The following CPEB4 variants were observed in gnomAD, a reference collection of about 807,000 sequenced individuals.
CPEB4 encodes cytoplasmic polyadenylation element-binding protein 4.
Under a neutral mutation model 72.5 loss-of-function variants are expected in CPEB4, and 12 were observed. That is an observed-to-expected ratio of 0.17 (90% CI 0.11 to 0.27). The LOEUF (loss-of-function observed/expected upper bound fraction) is 0.27. Ranked by LOEUF, CPEB4 falls within the 10% of genes least tolerant of loss-of-function variation. CPEB4 has a pLI of 1.00. For missense variants in CPEB4, 614 were observed against 908.5 expected (o/e 0.68, Z 4.17); for synonymous variants, 302 against 326.3 (o/e 0.93, Z 0.80).
chr5:173,922,718 A>G (rs1161384005), intron 2 of CPEB4, among the ~76,000 whole-genome samples: 30 of 152,176 alleles, frequency 2.0e-4, no homozygotes, highest in Admixed American at 1.9e-3. Context: ...TTGCCATGGG[A>G]CTTAAGCATG....
At chr5:173,933,420 G>A (rs1187040005) in intron 3 of CPEB4, among the ~76,000 whole-genome samples, 3 of 152,140 alleles carry the variant, frequency 2.0e-5, no homozygotes, top group Non-Finnish European at 4.4e-5. Context: ...AAGGATTGTT[G>A]AGCCAGGAGA....
chr5:173,945,033 A>G lies in CPEB4; in HGVS notation c.1349A>G (p.His450Arg). The change falls in exon 5 of 10, where the codon CAT becomes CGT. Residue 450 changes from histidine (H) to arginine (R), a missense_variant. Transcript: ENST00000265085. ...GATGGCCGTGGGGATCAGCCTCTTC[A>G]TAGTGGCCTGGGTTCACCTCACTGC... Reference protein sequence around the residue: ...LDDGRGDQPLHSGLGSPHCFS... With the variant: ...LDDGRGDQPLRSGLGSPHCFS... 6.2e-7 allele frequency: 1 copy of G among 1,613,990 alleles called. No individual in the cohort carries two copies. Among genetic ancestry groups the G allele is most frequent in the South Asian group, 1.1e-5 (1 of 91,082 alleles).
intron 1 of CPEB4, among the ~76,000 whole-genome samples, chr5:173,905,839 A>C (rs1756416621): frequency 6.6e-6 from 1 of 152,226 alleles, no homozygotes; most frequent in Non-Finnish European, 1.5e-5. Flanking sequence ...AAAAGCTAGA[A>C]TACAAATGTA....
Position 173,956,292 on chromosome 5 carries a change from G to C in CPEB4, c.*155G>C. On this transcript the variant is annotated 3_prime_UTR_variant, in exon 10 of 10. Coordinates refer to ENST00000265085, the MANE Select transcript of CPEB4 (RefSeq NM_030627.4). ...GAAAAGAATGACCTATAATATAGGTGTTTTGTAGATTCTTGTGTCACTGCA... is the reference window on the plus strand; with the variant it reads ...GAAAAGAATGACCTATAATATAGGTCTTTTGTAGATTCTTGTGTCACTGCA... 1.7e-6 allele frequency: 1 copy of C among 582,600 alleles called. No individual in the cohort carries two copies. The highest frequency in any genetic ancestry group is 3.0e-6 in the Non-Finnish European group (1 of 330,508). 36.1% of individuals were successfully genotyped at this position (582,600 alleles called of 1,614,324 possible). A position where few individuals can be genotyped will look rare whatever the true frequency, so the allele number is the denominator to read the frequency against.
At chr5:173,898,190 T>A (rs1442176086) in intron 1 of CPEB4, among the ~76,000 whole-genome samples, 1 of 152,182 alleles carries the variant, frequency 6.6e-6, no homozygotes, top group Non-Finnish European at 1.5e-5. Context: ...AATCTATATT[T>A]ATTTTAAAAT....
At chr5:173,944,452 G>C (rs1326343292) in intron 4 of CPEB4, among the ~76,000 whole-genome samples, 1 of 145,162 alleles carries the variant, frequency 6.9e-6, no homozygotes, top group African/African-American at 2.6e-5. Flanking sequence ...TCCAGCCTGG[G>C]TAAAAGAGCG....
chr5:173,911,089 A>T (rs1409899298), intron 2 of CPEB4, among the ~76,000 whole-genome samples: 1 of 152,094 alleles, frequency 6.6e-6, no homozygotes. Context: ...GTTAAAAAAA[A>T]ATACTGTTTC....
chr5:173,944,498 A>G (rs1490113622), intron 4 of CPEB4, among the ~76,000 whole-genome samples: 2 of 150,264 alleles, frequency 1.3e-5, no homozygotes, highest in African/African-American at 4.9e-5. Context: ...AAAAAAATTG[A>G]CTTGTTCATT....
intron 2 of CPEB4, among the ~76,000 whole-genome samples, chr5:173,922,764 C>T (rs924232843): frequency 6.6e-6 from 1 of 152,334 alleles, no homozygotes; most frequent in Admixed American, 6.5e-5. Context: ...ACTTCCTTCG[C>T]TTCCCACCCC....
intron 6 of CPEB4, among the ~76,000 whole-genome samples, 173 bp from the exon 7 acceptor site, chr5:173,949,787 G>C (rs1758153258): frequency 6.6e-6 from 1 of 152,252 alleles, no homozygotes. Context: ...GATGCTTCAA[G>C]ATACTACCAA....
chr5:173,961,822 A>C lies in CPEB4; in HGVS notation c.*5685A>C, dbSNP rs1038787086. The C allele has an allele frequency of 6.6e-6, 1 of 151,946 alleles. No individual in the cohort carries two copies. The highest frequency in any genetic ancestry group is 1.5e-5 in the Non-Finnish European group (1 of 67,988). 9.4% of individuals were successfully genotyped at this position (151,946 alleles called of 1,614,324 possible). On this transcript the variant is annotated 3_prime_UTR_variant, in exon 10 of 10. Coordinates refer to ENST00000265085, the MANE Select transcript of CPEB4 (RefSeq NM_030627.4). ...AATACTGAAGGTGTCAGTGAGTTAGAAATTTTTAAGGAGTAATTATTTTCT... is the reference window on the plus strand; with the variant it reads ...AATACTGAAGGTGTCAGTGAGTTAGCAATTTTTAAGGAGTAATTATTTTCT...
chr5:173,938,914 G>A (rs1311109565), intron 3 of CPEB4, among the ~76,000 whole-genome samples: 1 of 152,154 alleles, frequency 6.6e-6, no homozygotes, highest in Non-Finnish European at 1.5e-5. Context: ...TACAAAAAGG[G>A]ATAAAACAAG....
rs1447206619 is a variant in CPEB4, at chr5:173,950,507, A to C, written c.1665+429A>C. Among the ~76,000 whole-genome samples, 1 of 152,164 alleles carries C rather than the reference A, an allele frequency of 6.6e-6. No individual in the cohort carries two copies. Among genetic ancestry groups the C allele is most frequent in the Non-Finnish European group, 1.5e-5 (1 of 68,026 alleles). On this transcript the variant is annotated intron_variant, in intron 7 of 9. Transcript: ENST00000265085. This position sits in a 1 kb window ranked among gnomAD's most constrained non-coding sequence, Gnocchi z 5.0. ...GTAGTCCCAGCTACTTGGGAGACTGAGGCAGGACAATCACCTGAACCCAGG... is the reference window on the plus strand; with the variant it reads ...GTAGTCCCAGCTACTTGGGAGACTGCGGCAGGACAATCACCTGAACCCAGG...
Position 173,888,429 on chromosome 5 carries a change from G to GGCAGCA in CPEB4, c.-1302_-1297dup, listed in dbSNP as rs1042524611. 53 of 457,874 alleles carry GGCAGCA rather than the reference G, an allele frequency of 1.2e-4. No homozygotes were observed. In the Middle Eastern group the frequency reaches 2.8e-3, roughly 25 times the overall value. 28.4% of individuals were successfully genotyped at this position (457,874 alleles called of 1,614,324 possible). ...GGGAGGCGGTGGCGGCGGCGGCGGCGGCAGCAGCGGCGACAGCAGAGGAGG... is the reference window on the plus strand; with the variant it reads ...GGGAGGCGGTGGCGGCGGCGGCGGCGGCAGCAGCAGCAGCGGCGACAGCAGAGGAGG... On this transcript the variant is annotated 5_prime_UTR_variant, in exon 1 of 10. Coordinates refer to ENST00000265085, the MANE Select transcript of CPEB4 (RefSeq NM_030627.4). The surrounding 1 kb of genome is among the most constrained non-coding windows in gnomAD (Gnocchi z 4.3).
rs752472463 is a variant in CPEB4 at position 173,951,933 on chromosome 5, G to A, written c.1775G>A (p.Arg592Gln). Residue 592 changes from arginine (R) to glutamine (Q), a missense_variant, in exon 8 of 10, where the codon CGA becomes CAA. Arg to Gln is a conservative substitution (Grantham distance 43, BLOSUM62 1). Around this residue, in one of 5 missense-constraint regions of CPEB4, gnomAD observed 101 missense variants for 243.1 expected, o/e 0.42. Transcript: ENST00000265085. ...IFVGGVPRPL[R>Q]AVELAMIMDR... ...GTTGGTGGTGTTCCTCGACCATTAC[G>A]AGCTGGTATGATTAAACAAACGACA... 4.4e-6 allele frequency: 7 copies of A among 1,600,072 alleles called. No homozygotes were observed. In the South Asian group the frequency reaches 5.5e-5, roughly 13 times the overall value.
chr5:173,930,036 A>G (rs1213748390), intron 2 of CPEB4, among the ~76,000 whole-genome samples: 1 of 150,492 alleles, frequency 6.6e-6, no homozygotes, highest in Non-Finnish European at 1.5e-5. Flanking sequence ...CAGAAACAGT[A>G]CTCTGTTCCC....
chr5:173,911,342 A>C (rs1756651550), intron 2 of CPEB4, among the ~76,000 whole-genome samples: 1 of 151,120 alleles, frequency 6.6e-6, no homozygotes, highest in Non-Finnish European at 1.5e-5. Context: ...TGATCACTGC[A>C]AGCTCCGCCT....
In CPEB4 at chr5:173,950,450, CA is replaced by C. The variant is rs1369170578; in HGVS notation, c.1665+377del. Among the ~76,000 whole-genome samples, 1 of 152,034 alleles carries C rather than the reference CA, an allele frequency of 6.6e-6. No individual in the cohort carries two copies. Among genetic ancestry groups the C allele is most frequent in the East Asian group, 1.9e-4 (1 of 5,164 alleles). ...TGAAATCCAGTCTTTACTGAAAATA[CA>C]AAAATTAGCCAGGCATGGTGGCGCA... On this transcript the variant is annotated intron_variant, in intron 7 of 9. Transcript: ENST00000265085. This position sits in a 1 kb window ranked among gnomAD's most constrained non-coding sequence, Gnocchi z 5.0.
chr5:173,915,806 A>C (rs1189733545), intron 2 of CPEB4, among the ~76,000 whole-genome samples: 2 of 152,262 alleles, frequency 1.3e-5, no homozygotes, highest in African/African-American at 4.8e-5. Flanking sequence ...AGCATGAAAT[A>C]GATTAAAACC....
Sources: gnomAD v4.1 joint callset for allele counts (sites outside exome capture counted in the v4.1 genomes callset) on GRCh38, gnomAD v4.1.1 for gene constraint, gnomAD v4.1.1 regional missense constraint, Gnocchi (gnomAD v3.1) non-coding constraint, MANE v1.5 for transcripts, NCBI Gene and HGNC (gene_info 2026-07-23, HGNC 2026-07-21) for gene names.